RANBP3: variants seen among roughly 807,000 people sequenced by gnomAD.
RANBP3 encodes RAN binding protein 3, also known as ran-binding protein 3.
A neutral mutation model predicts 77.3 loss-of-function variants in RANBP3; 14 were observed. The observed-to-expected ratio is 0.18, with a 90% CI of 0.12 to 0.28. The LOEUF is 0.28. RANBP3 is among the 10% of genes least tolerant of loss of function. The pLI is 1.00. For missense variants in RANBP3, 586 were observed against 752.3 expected (o/e 0.78, Z 2.59); for synonymous variants, 315 against 312.4 (o/e 1.01, Z -0.09).
chr19:5,941,474 C>A, intron 5 of RANBP3, 147 bp downstream of exon 5: 1 of 699,272 alleles, frequency 1.4e-6, no homozygotes, highest in East Asian at 2.6e-5. Context: ...CAAGCTCTCA[C>A]CTCACTCCTG....
At chr19:5,963,249 T>A (rs1182467362) in intron 1 of RANBP3, among the ~76,000 whole-genome samples, 1 of 152,170 alleles carries the variant, frequency 6.6e-6, no homozygotes, top group Admixed American at 6.5e-5. Context: ...CACATCCGTA[T>A]ATTAAGAGAT....
intron 9 of RANBP3, among the ~76,000 whole-genome samples, chr19:5,926,691 A>T (rs1042449661): frequency 6.6e-6 from 1 of 152,196 alleles, no homozygotes; most frequent in East Asian, 1.9e-4. Context: ...GTCTCCCCAG[A>T]CTCAAGGCAG....
At chr19:5,962,667 G>A (rs1489118443) in intron 1 of RANBP3, 1 of 455,894 alleles carries the variant, frequency 2.2e-6, no homozygotes, top group Non-Finnish European at 4.4e-6. Flanking sequence ...GACTGACCCA[G>A]CCACTGCACT....
At chr19:5,957,889 A>G in intron 2 of RANBP3, 29 bp downstream of exon 2, 1 of 1,611,954 alleles carries the variant, frequency 6.2e-7, no homozygotes, top group Non-Finnish European at 8.5e-7. Flanking sequence ...AGAGTAACGA[A>G]GTGAAGAGAG....
intron 5 of RANBP3, among the ~76,000 whole-genome samples, chr19:5,939,487 G>A (rs2058106565): frequency 6.6e-6 from 1 of 152,236 alleles, no homozygotes; most frequent in Non-Finnish European, 1.5e-5. Context: ...GGCCGGGCGG[G>A]AAGGCAGAGG....
chr19:5,958,031 A>C lies in RANBP3; in HGVS notation c.23-58T>G. ...AACACTATATGCATACAGTAAACAA[A>C]GCTACACTTGTTTGTAATATGTTAA... On this transcript the variant is annotated intron_variant, in intron 1 of 16. Transcript: ENST00000340578. This position sits in a 1 kb window ranked among gnomAD's most constrained non-coding sequence, Gnocchi z 4.4. 1 of 1,430,970 alleles carries C rather than the reference A, an allele frequency of 7.0e-7. No individual in the cohort carries two copies. Among genetic ancestry groups the C allele is most frequent in the Non-Finnish European group, 9.8e-7 (1 of 1,015,888 alleles). 88.6% of individuals were successfully genotyped at this position (1,430,970 alleles called of 1,614,324 possible). A position where few individuals can be genotyped will look rare whatever the true frequency, so the allele number is the denominator to read the frequency against.
intron 3 of RANBP3, among the ~76,000 whole-genome samples, chr19:5,947,325 AAAAG>A (rs1320211643): frequency 6.6e-6 from 1 of 151,528 alleles, no homozygotes; most frequent in African/African-American, 2.4e-5. Flanking sequence ...AAAAAAAAAA[AAAAG>A]AAAGAAAAGA....
chr19:5,931,443 T>C lies in RANBP3; in HGVS notation c.654A>G (p.Arg218=). The change falls in exon 8 of 17, where the codon AGA becomes AGG. Residue 218 remains arginine (R), a synonymous_variant. Transcript: ENST00000340578. ...CCTCATCGGCAGCTTCGGAAGGACTTCTCCATGCAGCAGTGTCAGGGGATG... is the reference window on the plus strand; with the variant it reads ...CCTCATCGGCAGCTTCGGAAGGACTCCTCCATGCAGCAGTGTCAGGGGATG... ...PAASPDTAAW[R]SPSEAADEVC... The C allele has an allele frequency of 6.2e-7, 1 of 1,612,822 alleles. No homozygotes were observed. Among genetic ancestry groups the C allele is most frequent in the Non-Finnish European group, 8.5e-7 (1 of 1,179,544 alleles).
intron 1 of RANBP3, among the ~76,000 whole-genome samples, chr19:5,973,081 G>A (rs1343267610): frequency 6.6e-6 from 1 of 152,204 alleles, no homozygotes; most frequent in Non-Finnish European, 1.5e-5. Context: ...TTCTGCTACA[G>A]ATACAGGAGG....
At chr19:5,944,974 T>A (rs971230932) in intron 3 of RANBP3, among the ~76,000 whole-genome samples, 1 of 152,194 alleles carries the variant, frequency 6.6e-6, no homozygotes, top group African/African-American at 2.4e-5. Context: ...CTGGCCTCTG[T>A]AGACGACCTG....
chr19:5,926,585 C>T (rs971025086), intron 9 of RANBP3, among the ~76,000 whole-genome samples: 13 of 152,108 alleles, frequency 8.5e-5, no homozygotes, highest in African/African-American at 3.1e-4. Flanking sequence ...CTCAAGTTTG[C>T]CCTGGAAGGA....
intron 6 of RANBP3, chr19:5,933,076 G>A (rs2058016376): frequency 3.2e-6 from 1 of 316,246 alleles, no homozygotes; most frequent in South Asian, 5.1e-5. Context: ...CTGCTAACTG[G>A]GGCGAACACT....
intron 1 of RANBP3, among the ~76,000 whole-genome samples, chr19:5,975,648 A>G (rs1389319133): frequency 1.4e-5 from 2 of 147,050 alleles, no homozygotes; most frequent in Non-Finnish European, 1.5e-5. Flanking sequence ...CATGCATGTA[A>G]TATCTAGCAT....
Position 5,916,266 on chromosome 19 carries a change from G to C in RANBP3, c.*1344C>G, listed in dbSNP as rs988285867. On this transcript the variant is annotated 3_prime_UTR_variant, in exon 17 of 17. Coordinates refer to ENST00000340578, the MANE Select transcript of RANBP3 (RefSeq NM_007322.3). ...GCTGGCTAAGGCTTAAAGCAGAGAC[G>C]TGTGACTGGGTCTCTCGGGAGGGCC... The C allele has an allele frequency of 6.6e-6, 1 of 152,292 alleles. No individual in the cohort carries two copies. The highest frequency in any genetic ancestry group is 1.5e-5 in the Non-Finnish European group (1 of 68,082). The allele number at this position is 152,292 out of a possible 1,614,324, so 9.4% of individuals were successfully genotyped here. A position where few individuals can be genotyped will look rare whatever the true frequency, so the allele number is the denominator to read the frequency against.
intron 9 of RANBP3, among the ~76,000 whole-genome samples, chr19:5,926,092 T>G (rs1177844763): frequency 6.6e-6 from 1 of 152,176 alleles, no homozygotes; most frequent in Non-Finnish European, 1.5e-5. Context: ...GGGTTTACTA[T>G]GAACATGATA....
chr19:5,948,853 T>A (rs1390832708), intron 3 of RANBP3, among the ~76,000 whole-genome samples: 1 of 152,102 alleles, frequency 6.6e-6, no homozygotes, highest in Non-Finnish European at 1.5e-5. Context: ...CCAGTACAAT[T>A]CCACCAGGCT....
intron 5 of RANBP3, among the ~76,000 whole-genome samples, chr19:5,940,027 G>T (rs1286088814): frequency 6.6e-6 from 1 of 152,246 alleles, no homozygotes; most frequent in African/African-American, 2.4e-5. Flanking sequence ...CCAGCCAACA[G>T]GTTTCCACAA....
chr19:5,950,003 C>CT (rs1444570688), intron 3 of RANBP3, among the ~76,000 whole-genome samples: 2 of 152,142 alleles, frequency 1.3e-5, no homozygotes, highest in Admixed American at 6.5e-5. Flanking sequence ...CAGAAGGCCT[C>CT]TGGGGGGGAC....
chr19:5,962,726 G>A (rs1442520053), intron 1 of RANBP3: 3 of 455,908 alleles, frequency 6.6e-6, no homozygotes, highest in Non-Finnish European at 1.3e-5. Flanking sequence ...AACACAGAGC[G>A]TCAGTTACTC....
Sources: gnomAD v4.1 joint callset for allele counts (sites outside exome capture counted in the v4.1 genomes callset) on GRCh38, gnomAD v4.1.1 for gene constraint, Gnocchi (gnomAD v3.1) non-coding constraint, MANE v1.5 for transcripts, NCBI Gene and HGNC (gene_info 2026-07-23, HGNC 2026-07-21) for gene names.